The following SRGAP2B variants were observed in gnomAD, a reference collection of about 807,000 sequenced individuals.
SRGAP2B encodes the protein SLIT-ROBO Rho GTPase activating protein 2B, also known as SLIT-ROBO Rho GTPase-activating protein 2B.
In SRGAP2B, 9 loss-of-function variants were observed where a neutral mutation model predicts 22.2. That is an observed-to-expected ratio of 0.41 (90% CI 0.24 to 0.71). The LOEUF is 0.71. Among genes scored for constraint, SRGAP2B ranks in the 30% least tolerant of loss-of-function variants. SRGAP2B has a pLI of 0.35. For synonymous variants in SRGAP2B, 36 were observed against 87.4 expected (o/e 0.41, Z 3.28); for missense variants, 114 against 235.8 (o/e 0.48, Z 3.38).
chr1:145,063,466 C>A (rs1168599137), intron 2 of SRGAP2B, among the ~76,000 whole-genome samples: 1 of 123,450 alleles, frequency 8.1e-6, no homozygotes, highest in African/African-American at 3.3e-5. Context: ...TCCCTCCCTC[C>A]CAGGGAGTCC....
chr1:144,955,443 T>C (rs1553610081), exon 4 of SRGAP2B: 7 of 1,596,418 alleles, frequency 4.4e-6, no homozygotes, highest in Non-Finnish European at 6.0e-6. Context: ...CTGTACCTTT[T>C]TAAAGAGTCT....
rs192587469 is a variant in SRGAP2B, at chr1:144,987,846, A to G, written c.260+7162T>C. ...AAAAATGAGTGGAAATGGAAAAACAAAAGTGCTGTTACTAATGTTGCATTG... is the reference window on the plus strand; with the variant it reads ...AAAAATGAGTGGAAATGGAAAAACAGAAGTGCTGTTACTAATGTTGCATTG... On this transcript the variant is annotated intron_variant, in intron 3 of 9. Transcript: ENST00000612199. Among the ~76,000 whole-genome samples, 706 of 150,854 alleles carry G rather than the reference A, an allele frequency of 4.7e-3. 6 individuals carry two copies. Among genetic ancestry groups the G allele is most frequent in the Admixed American group, 7.9e-3 (120 of 15,188 alleles).
chr1:145,075,790 T>A (rs587632616), intron 2 of SRGAP2B, among the ~76,000 whole-genome samples: 1 of 147,846 alleles, frequency 6.8e-6, no homozygotes, highest in African/African-American at 2.6e-5. Flanking sequence ...AGATTGCAAT[T>A]TAAGAACTAC....
At chr1:144,965,722 AAAG>A (rs1668033715) in intron 3 of SRGAP2B, among the ~76,000 whole-genome samples, 4 of 137,530 alleles carry the variant, frequency 2.9e-5, no homozygotes, top group Non-Finnish European at 6.1e-5. Context: ...AACCAAAGGC[AAAG>A]AAGTTGAAAA....
chr1:144,941,311 T>C (rs1275488468), intron 4 of SRGAP2B, among the ~76,000 whole-genome samples: 1 of 135,158 alleles, frequency 7.4e-6, no homozygotes, highest in African/African-American at 2.9e-5. Flanking sequence ...AATAACTACT[T>C]AGCTTACCAA....
chr1:145,085,161 C>T lies in SRGAP2B; in HGVS notation c.67+7674G>A, dbSNP rs1307633798. ...TTTGCCATGTTGGCCAGGCTGGTCT[C>T]GAACTCCTGACCTCAGGTGATCCAT... On this transcript the variant is annotated intron_variant, in intron 2 of 9. Coordinates refer to ENST00000612199, the Ensembl canonical transcript of SRGAP2B. Among the ~76,000 whole-genome samples, 12 of 151,588 alleles carry T rather than the reference C, an allele frequency of 7.9e-5. No individual in the cohort carries two copies. In the South Asian group the frequency reaches 2.3e-3, roughly 29 times the overall value.
At chr1:144,934,313 A>G (rs1327118452) in intron 4 of SRGAP2B, among the ~76,000 whole-genome samples, 1 of 147,542 alleles carries the variant, frequency 6.8e-6, no homozygotes, top group Non-Finnish European at 1.5e-5. Context: ...CTGAGGCAAG[A>G]GAATCACTTG....
intron 2 of SRGAP2B, among the ~76,000 whole-genome samples, chr1:145,083,063 C>T (rs1444150351): frequency 1.4e-5 from 2 of 140,978 alleles, no homozygotes; most frequent in Non-Finnish European, 3.0e-5. Context: ...TGCAATAATA[C>T]AAGAGTGTAC....
chr1:144,935,822 C>T lies in SRGAP2B; in HGVS notation c.423+19617G>A, dbSNP rs373393015. ...ACACTGTATTCAATATCAGGGGCCA[C>T]GTCAGCCATCTTCATATTTTCAACA... On this transcript the variant is annotated intron_variant, in intron 4 of 9. Transcript: ENST00000612199. Among the ~76,000 whole-genome samples, 904 of 125,802 alleles carry T rather than the reference C, an allele frequency of 7.2e-3. 16 individuals carry two copies. Among genetic ancestry groups the T allele is most frequent in the Non-Finnish European group, 9.1e-3 (581 of 63,806 alleles). The allele number at this position is 125,802 out of a possible 152,430, so 82.5% of individuals were successfully genotyped here.
At position 145,064,650 on chromosome 1, in the gene SRGAP2B, G is replaced by A. The variant is rs1422667798; in HGVS notation, c.67+28185C>T. Among the ~76,000 whole-genome samples, 6 of 149,392 alleles carry A rather than the reference G, an allele frequency of 4.0e-5. 1 individual carries two copies. The highest frequency in any genetic ancestry group is 1.5e-4 in the African/African-American group (6 of 39,460). ...CCAAGATTTAACAGGAGCCTTTGCAGAGAAGAAATCTGAGTCTGTCCTGTC... is the reference window on the plus strand; with the variant it reads ...CCAAGATTTAACAGGAGCCTTTGCAAAGAAGAAATCTGAGTCTGTCCTGTC... On this transcript the variant is annotated intron_variant, in intron 2 of 9. Coordinates refer to ENST00000612199, the Ensembl canonical transcript of SRGAP2B.
intron 3 of SRGAP2B, among the ~76,000 whole-genome samples, chr1:144,984,591 C>T (rs1369027907): frequency 6.7e-6 from 1 of 149,744 alleles, no homozygotes; most frequent in Non-Finnish European, 1.5e-5. Flanking sequence ...GGGTGGGTAT[C>T]TGGCATGTGT....
intron 3 of SRGAP2B, among the ~76,000 whole-genome samples, chr1:144,993,501 G>C (rs1474158629): frequency 6.6e-6 from 1 of 150,420 alleles, no homozygotes; most frequent in East Asian, 1.9e-4. Flanking sequence ...AGGAGTTTGA[G>C]ACCAAACTGG....
At chr1:145,069,990 G>A (rs1651960276) in intron 2 of SRGAP2B, among the ~76,000 whole-genome samples, 2 of 148,512 alleles carry the variant, frequency 1.3e-5, no homozygotes, top group Admixed American at 1.3e-4. Flanking sequence ...CAAGATAAGA[G>A]ATTGGAAAAT....
At chr1:144,975,816 G>C (rs1668854745) in intron 3 of SRGAP2B, among the ~76,000 whole-genome samples, 2 of 144,314 alleles carry the variant, frequency 1.4e-5, no homozygotes, top group Non-Finnish European at 3.0e-5. Context: ...CTCTAAACCA[G>C]TATTAAAATC....
At chr1:144,953,281 G>A (rs1667019154) in intron 4 of SRGAP2B, among the ~76,000 whole-genome samples, 1 of 152,190 alleles carries the variant, frequency 6.6e-6, no homozygotes, top group Non-Finnish European at 1.5e-5. Context: ...TAAAAGTCAA[G>A]ACAGTTGTTA....
intron 3 of SRGAP2B, among the ~76,000 whole-genome samples, chr1:144,985,510 A>C (rs1380742573): frequency 2.0e-5 from 3 of 151,414 alleles, no homozygotes; most frequent in South Asian, 2.1e-4. Context: ...ATTTAAAAAA[A>C]AAACAAACAA....
chr1:144,987,523 G>A (rs1299031138), intron 3 of SRGAP2B, among the ~76,000 whole-genome samples: 1 of 150,704 alleles, frequency 6.6e-6, no homozygotes, highest in Admixed American at 6.6e-5. Context: ...AAGCCTGACA[G>A]CCCTGGATGG....
intron 2 of SRGAP2B, among the ~76,000 whole-genome samples, chr1:145,036,397 C>A (rs1353258569): frequency 7.2e-6 from 1 of 139,172 alleles, no homozygotes; most frequent in Non-Finnish European, 1.5e-5. Context: ...AGAGTGCCTT[C>A]CTTTGCTCCA....
intron 7 of SRGAP2B, among the ~76,000 whole-genome samples, chr1:144,902,629 G>A (rs1662716035): frequency 7.1e-6 from 1 of 140,316 alleles, no homozygotes; most frequent in Non-Finnish European, 1.5e-5. Flanking sequence ...GGGCGTGGTG[G>A]CGGGTGCCTG....
Sources: allele counts gnomAD v4.1 joint callset (sites outside exome capture counted in the v4.1 genomes callset), GRCh38; gene constraint gnomAD v4.1.1; transcripts MANE v1.5; gene names NCBI Gene and HGNC (gene_info 2026-07-23, HGNC 2026-07-21).